Variants in RABGEF1 observed in about 807,000 individuals in gnomAD.
RABGEF1 encodes the protein rab5 GDP/GTP exchange factor.
In RABGEF1, 26 loss-of-function variants were observed where a neutral mutation model predicts 57.3. The observed-to-expected ratio is 0.45, with a 90% CI of 0.33 to 0.63. RABGEF1 has a LOEUF of 0.63. Ranked by LOEUF, RABGEF1 falls within the 20% of genes least tolerant of loss-of-function variation. The pLI, the probability that RABGEF1 is intolerant of heterozygous loss-of-function variation, is 0.02. For synonymous variants in RABGEF1, 185 were observed against 210.7 expected, an observed-to-expected ratio of 0.88 and a Z score of 1.06; for missense variants, 464 against 607.6, an observed-to-expected ratio of 0.76 and a Z score of 2.48.
chr7:66,767,391 G>T lies in RABGEF1; in HGVS notation c.-17-4492G>T, dbSNP rs150433755. Among the ~76,000 whole-genome samples, 469 of 152,110 alleles carry T rather than the reference G, an allele frequency of 3.1e-3. 1 individual carries two copies. Among genetic ancestry groups the T allele is most frequent in the Non-Finnish European group, 5.2e-3 (354 of 67,992 alleles). On this transcript the variant is annotated intron_variant, in intron 1 of 8. Coordinates refer to ENST00000284957, the MANE Select transcript of RABGEF1 (RefSeq NM_014504.3). ...AATTTTTAAATTTTATTAGATTTATGTAAACACCTCCACAATCAGAATACA... is the reference window on the plus strand; with the variant it reads ...AATTTTTAAATTTTATTAGATTTATTTAAACACCTCCACAATCAGAATACA...
At chr7:66,724,532 G>T (rs1168247428) in intron 2 of RABGEF1, among the ~76,000 whole-genome samples, 1 of 152,010 alleles carries the variant, frequency 6.6e-6, no homozygotes, top group Non-Finnish European at 1.5e-5. Context: ...GCTAATTTTT[G>T]TATTTTTAGT....
the RABGEF1 span, chr7:66,665,257 A>G: frequency 6.8e-6 from 1 of 146,426 alleles, no homozygotes; most frequent in Non-Finnish European, 1.5e-5. Context: ...CAATCCTCTC[A>G]CCTCAGCCTC....
At chr7:66,756,223 C>T (rs1802677431) in intron 1 of RABGEF1, 2 of 535,088 alleles carry the variant, frequency 3.7e-6, no homozygotes, top group South Asian at 6.7e-5. Flanking sequence ...TAGGGAAATG[C>T]ACGTTAAATG....
At chr7:66,681,053 A>C (rs1789683624), upstream of RABGEF1, among the ~76,000 whole-genome samples, 1 of 152,106 alleles carries the variant, frequency 6.6e-6, no homozygotes, top group South Asian at 2.1e-4. Flanking sequence ...ACTGCACTCC[A>C]CTCTGGGTGA....
intron 1 of RABGEF1, among the ~76,000 whole-genome samples, chr7:66,696,594 G>A (rs1301678561): frequency 6.6e-6 from 1 of 151,384 alleles, no homozygotes; most frequent in East Asian, 1.9e-4. Context: ...GGAGGCTGAG[G>A]CAGGAGGATC....
At chr7:66,733,764 A>G (rs2117683738) in intron 2 of RABGEF1, among the ~76,000 whole-genome samples, 1 of 152,308 alleles carries the variant, frequency 6.6e-6, no homozygotes, top group South Asian at 2.1e-4. Flanking sequence ...GCACTTTGGG[A>G]GGCTGAGACG....
chr7:66,724,725 A>C (rs558584392), intron 2 of RABGEF1, among the ~76,000 whole-genome samples: 331 of 152,264 alleles, frequency 2.2e-3, no homozygotes, highest in African/African-American at 7.5e-3. Flanking sequence ...GGTTTTCATC[A>C]AATTTATAGT....
In RABGEF1 at chr7:66,701,107, G is replaced by A. The variant is rs184842196; in HGVS notation, c.-872-11060G>A. Among the ~76,000 whole-genome samples, 87 of 152,286 alleles carry A rather than the reference G, an allele frequency of 5.7e-4. 1 individual carries two copies. The East Asian group carries it at 0.015, about 26-fold the overall frequency. On this transcript the variant is annotated intron_variant and NMD_transcript_variant, in intron 1 of 9. Coordinates refer to the RABGEF1 transcript ENST00000607882. ...GGGTGGGGACTGTTTGTGAGCAGCC[G>A]TGTGGCAGGTATGATAGGAAGAAGG...
chr7:66,746,785 G>A (rs1244555290), intron 1 of RABGEF1, among the ~76,000 whole-genome samples: 2 of 132,416 alleles, frequency 1.5e-5, no homozygotes, highest in South Asian at 2.8e-4. Flanking sequence ...CACCACGTCC[G>A]GCTAATTTTT....
intron 7 of RABGEF1, among the ~76,000 whole-genome samples, chr7:66,800,778 T>A (rs1405102916): frequency 6.6e-6 from 1 of 152,186 alleles, no homozygotes; most frequent in Non-Finnish European, 1.5e-5. Flanking sequence ...AATAGGGAAG[T>A]CCCCAGCCTT....
intron 4 of RABGEF1, among the ~76,000 whole-genome samples, chr7:66,791,947 A>T (rs1184451019): frequency 6.6e-6 from 1 of 152,094 alleles, no homozygotes; most frequent in Non-Finnish European, 1.5e-5. Flanking sequence ...CCCTGTCTCT[A>T]CTAGAAATAA....
At chr7:66,701,886 CTG>C (rs1412494974) in intron 1 of RABGEF1, among the ~76,000 whole-genome samples, 14 of 152,072 alleles carry the variant, frequency 9.2e-5, no homozygotes, top group East Asian at 1.9e-4. Flanking sequence ...TTATTGATGA[CTG>C]TTTTTAAAAA....
At chr7:66,681,312 G>A (rs1412795290), upstream of RABGEF1, among the ~76,000 whole-genome samples, 1 of 151,620 alleles carries the variant, frequency 6.6e-6, no homozygotes, top group Admixed American at 6.6e-5. Flanking sequence ...CATAAAGAAA[G>A]TAAACAGTAT....
At chr7:66,715,053 C>G (rs547586752) in intron 2 of RABGEF1, among the ~76,000 whole-genome samples, 14 of 152,066 alleles carry the variant, frequency 9.2e-5, no homozygotes, top group African/African-American at 3.4e-4. Flanking sequence ...TCTTCTCCTT[C>G]TCTTTCTCTT....
At chr7:66,764,714 A>T (rs1805272301) in intron 1 of RABGEF1, among the ~76,000 whole-genome samples, 1 of 152,016 alleles carries the variant, frequency 6.6e-6, no homozygotes, top group South Asian at 2.1e-4. Flanking sequence ...TGGTGAAAAG[A>T]CTCTTCTTTT....
At chr7:66,699,830 G>C (rs1304196177) in intron 1 of RABGEF1, among the ~76,000 whole-genome samples, 2 of 152,206 alleles carry the variant, frequency 1.3e-5, no homozygotes, top group African/African-American at 4.8e-5. Flanking sequence ...TTCAACCTGA[G>C]TGACAGAGAG....
chr7:66,686,809 A>G (rs190928646), intron 1 of RABGEF1, among the ~76,000 whole-genome samples: 227 of 151,728 alleles, frequency 1.5e-3, no homozygotes, highest in African/African-American at 5.1e-3. Context: ...TATTTATAGT[A>G]GAACTTTTTT....
At chr7:66,802,553 C>G (rs570596731) in intron 7 of RABGEF1, among the ~76,000 whole-genome samples, 1 of 152,326 alleles carries the variant, frequency 6.6e-6, no homozygotes, top group Admixed American at 6.5e-5. Flanking sequence ...AATTATTAGA[C>G]AGCAGTGAGT....
chr7:66,689,324 AAAG>A (rs937481608), intron 1 of RABGEF1, among the ~76,000 whole-genome samples: 1 of 152,126 alleles, frequency 6.6e-6, no homozygotes, highest in Admixed American at 6.5e-5. Context: ...AAGAAAAAAA[AAAG>A]AAAACTCAAA....
Sources: allele counts gnomAD v4.1 joint callset (sites outside exome capture counted in the v4.1 genomes callset), GRCh38; gene constraint gnomAD v4.1.1; transcripts MANE v1.5; gene names NCBI Gene and HGNC (gene_info 2026-07-23, HGNC 2026-07-21).